The following ZFPM2 variants were observed in gnomAD, a reference collection of about 807,000 sequenced individuals.
The protein encoded by ZFPM2 is zinc finger protein ZFPM2.
A neutral mutation model predicts 98.6 loss-of-function variants in ZFPM2; 20 were observed. The ratio of observed to expected loss-of-function variants is 0.20; its 90% CI spans 0.14 to 0.29. The LOEUF (loss-of-function observed/expected upper bound fraction) is 0.29. ZFPM2 is among the 10% of genes least tolerant of loss of function. The pLI is 1.00. For missense variants in ZFPM2, 1,310 were observed against 1,388.6 expected (o/e 0.94, Z 0.90); for synonymous variants, 518 against 502.7 (o/e 1.03, Z -0.41).
chr8:105,525,611 T>G (rs1814158277), intron 3 of ZFPM2, among the ~76,000 whole-genome samples: 1 of 152,168 alleles, frequency 6.6e-6, no homozygotes, highest in Non-Finnish European at 1.5e-5. Context: ...AAATATAGAG[T>G]ACTAGGCAGT....
At chr8:105,389,195 A>T (rs943905499) in intron 1 of ZFPM2, among the ~76,000 whole-genome samples, 5 of 152,112 alleles carry the variant, frequency 3.3e-5, no homozygotes, top group Admixed American at 6.5e-5. Context: ...ACCATAGGAC[A>T]CTCAGACATG....
chr8:105,647,943 G>A (rs1315724783), intron 5 of ZFPM2, among the ~76,000 whole-genome samples: 1 of 152,140 alleles, frequency 6.6e-6, no homozygotes, highest in African/African-American at 2.4e-5. Context: ...GATCCTTGAG[G>A]AATCACCACA....
intron 1 of ZFPM2, among the ~76,000 whole-genome samples, chr8:105,342,241 A>G (rs1224524377): frequency 2.0e-5 from 3 of 152,050 alleles, no homozygotes; most frequent in Non-Finnish European, 4.4e-5. Context: ...TATAATGTCA[A>G]AATCTCCTTT....
At chr8:105,468,749 A>G (rs1812841257) in intron 3 of ZFPM2, among the ~76,000 whole-genome samples, 1 of 152,162 alleles carries the variant, frequency 6.6e-6, no homozygotes, top group Admixed American at 6.6e-5. Flanking sequence ...GCAGAATCTC[A>G]GGCAATCCTC....
At chr8:105,456,164 G>T (rs76473630) in intron 3 of ZFPM2, among the ~76,000 whole-genome samples, 58,562 of 131,312 alleles carry the variant, frequency 0.45, 13,897 homozygotes, top group East Asian at 0.57. Flanking sequence ...TTGTTTGTTT[G>T]TTTGTTTTTT....
intron 5 of ZFPM2, among the ~76,000 whole-genome samples, chr8:105,693,529 G>T (rs555551714): frequency 6.6e-6 from 1 of 152,274 alleles, no homozygotes; most frequent in African/African-American, 2.4e-5. Flanking sequence ...GGAAAGCATA[G>T]CCAAGCGCAC....
At chr8:105,658,372 A>C (rs1277426294) in intron 5 of ZFPM2, among the ~76,000 whole-genome samples, 2 of 110,004 alleles carry the variant, frequency 1.8e-5, no homozygotes, top group Non-Finnish European at 3.8e-5. Context: ...GTGGATCACG[A>C]GGTCAGGAGA....
intron 1 of ZFPM2, among the ~76,000 whole-genome samples, chr8:105,379,796 A>G (rs1463076285): frequency 6.6e-6 from 1 of 152,120 alleles, no homozygotes; most frequent in African/African-American, 2.4e-5. Context: ...TAAGAACCAA[A>G]ACTGGCCATG....
chr8:105,677,393 T>G (rs1184187049), intron 5 of ZFPM2, among the ~76,000 whole-genome samples: 1 of 151,810 alleles, frequency 6.6e-6, no homozygotes, highest in Non-Finnish European at 1.5e-5. Flanking sequence ...GCAAATGAGG[T>G]TTTAAACTCA....
At chr8:105,734,498 T>C (rs1812022343) in intron 5 of ZFPM2, among the ~76,000 whole-genome samples, 1 of 151,922 alleles carries the variant, frequency 6.6e-6, no homozygotes, top group Non-Finnish European at 1.5e-5. Context: ...CAGATGACAG[T>C]GAAGTATCCA....
At chr8:105,358,179 C>G (rs574000252) in intron 1 of ZFPM2, among the ~76,000 whole-genome samples, 45 of 151,864 alleles carry the variant, frequency 3.0e-4, no homozygotes, top group African/African-American at 1.0e-3. Flanking sequence ...CCTAGTGTGT[C>G]GTAAAACTGG....
At chr8:105,454,600 T>G (rs2130268790) in intron 3 of ZFPM2, among the ~76,000 whole-genome samples, 1 of 152,326 alleles carries the variant, frequency 6.6e-6, no homozygotes, top group African/African-American at 2.4e-5. Flanking sequence ...TCTGATCAAC[T>G]TTTCCCTAAT....
chr8:105,400,095 T>TTA lies in ZFPM2; in HGVS notation c.41-19044_41-19043dup, dbSNP rs796553089. ...TGTGATGCATTTTTATTTTGCTTTC[T>TTA]TATATAAATTTATGTCCATCTATTT... On this transcript the variant is annotated intron_variant, in intron 1 of 7. Coordinates refer to ENST00000407775, the MANE Select transcript of ZFPM2 (RefSeq NM_012082.4). Among the ~76,000 whole-genome samples, 3 of 152,238 alleles carry TTA rather than the reference T, an allele frequency of 2.0e-5. No homozygotes were observed. In the South Asian group the frequency reaches 6.2e-4, roughly 32 times the overall value.
intron 1 of ZFPM2, among the ~76,000 whole-genome samples, chr8:105,413,871 T>A (rs1811628682): frequency 6.6e-6 from 1 of 152,044 alleles, no homozygotes; most frequent in Middle Eastern, 3.4e-3. Flanking sequence ...TGGGATACAT[T>A]GGGAAGCTCT....
chr8:105,518,549 C>A (rs1813985779), intron 3 of ZFPM2, among the ~76,000 whole-genome samples: 1 of 152,140 alleles, frequency 6.6e-6, no homozygotes, highest in Non-Finnish European at 1.5e-5. Flanking sequence ...GAGTCATGCA[C>A]TGAAATCATG....
intron 5 of ZFPM2, chr8:105,737,492 CT>C (rs3837170): frequency 0.1 from 15,349 of 152,580 alleles, 1,063 homozygotes; most frequent in East Asian, 0.32. Context: ...TGTTTTTCTG[CT>C]TTTTTTTCTT....
At chr8:105,727,264 A>G (rs1811833446) in intron 5 of ZFPM2, among the ~76,000 whole-genome samples, 1 of 151,504 alleles carries the variant, frequency 6.6e-6, no homozygotes, top group South Asian at 2.1e-4. Context: ...TCAGGAGTTC[A>G]GGGCTGTAGG....
At chr8:105,510,901 G>A (rs1813804864) in intron 3 of ZFPM2, among the ~76,000 whole-genome samples, 1 of 152,196 alleles carries the variant, frequency 6.6e-6, no homozygotes. Context: ...CTTAAAATAT[G>A]TTCATTGCTT....
At chr8:105,742,153 G>T (rs900776878) in intron 5 of ZFPM2, among the ~76,000 whole-genome samples, 28 of 151,990 alleles carry the variant, frequency 1.8e-4, no homozygotes, top group African/African-American at 6.5e-4. Context: ...AGGCCAAGGA[G>T]GATCCACTTG....
Sources: allele counts gnomAD v4.1 joint callset (sites outside exome capture counted in the v4.1 genomes callset), GRCh38; gene constraint gnomAD v4.1.1; transcripts MANE v1.5; gene names NCBI Gene and HGNC (gene_info 2026-07-23, HGNC 2026-07-21).